CFAP69: variants seen among roughly 807,000 people sequenced by gnomAD.
CFAP69 encodes the protein cilia and flagella associated protein 69.
In CFAP69, 92 loss-of-function variants were observed where a neutral mutation model predicts 123.0. The ratio of observed to expected loss-of-function variants is 0.75; its 90% confidence interval spans 0.63 to 0.89. The LOEUF is 0.89. Among genes scored for constraint, CFAP69 ranks in the 40% least tolerant of loss-of-function variants. CFAP69 has a pLI of 0.00. For synonymous variants in CFAP69, 380 were observed against 364.3 expected, an observed-to-expected ratio of 1.04 and a Z score of -0.49; for missense variants, 1,067 against 1,096.9, an observed-to-expected ratio of 0.97 and a Z score of 0.39.
rs17870071 is a variant in CFAP69 at position 90,304,403 on chromosome 7, T to C, written c.2188+297T>C. The C allele has an allele frequency of 2.4e-5, 29 of 1,207,882 alleles. No individual in the cohort carries two copies. The African/African-American group carries it at 3.3e-4, about 14-fold the overall frequency. The allele number at this position is 1,207,882 out of a possible 1,614,324, so 74.8% of individuals were successfully genotyped here. A position where few individuals can be genotyped will look rare whatever the true frequency, so the allele number is the denominator to read the frequency against. ...TTAAAATACTGACATTCTGAGTCAC[T>C]TGAGTTTTTTTTTTTAAGTCTTTGC... On this transcript the variant is annotated intron_variant, in intron 18 of 22. Coordinates refer to ENST00000389297, the MANE Select transcript of CFAP69 (RefSeq NM_001039706.3).
At chr7:90,304,133 G>A (rs1408943988) in intron 18 of CFAP69, 27 bp downstream of exon 18, 1 of 1,540,038 alleles carries the variant, frequency 6.5e-7, no homozygotes, top group African/African-American at 1.4e-5. Context: ...AAATTTGCAA[G>A]AGTCTGTTTT....
At chr7:90,295,952 CT>C (rs764407412) in intron 15 of CFAP69, among the ~76,000 whole-genome samples, 18 of 152,268 alleles carry the variant, frequency 1.2e-4, no homozygotes, top group Admixed American at 5.2e-4. Context: ...TTGTCAGCAT[CT>C]TGGTTTTGGT....
intron 1 of CFAP69, among the ~76,000 whole-genome samples, chr7:90,250,299 A>G (rs1796858612): frequency 6.6e-6 from 1 of 151,786 alleles, no homozygotes; most frequent in African/African-American, 2.4e-5. Flanking sequence ...GAGTTTCTAC[A>G]TTAGACAGAC....
the CFAP69 span, chr7:90,321,202 C>T: frequency 6.6e-6 from 1 of 152,386 alleles, no homozygotes; most frequent in South Asian, 2.1e-4. Flanking sequence ...GCGGAACCGT[C>T]TCGGCCGCGG....
intron 1 of CFAP69, 91 bp downstream of exon 1, chr7:90,245,635 C>G: frequency 7.1e-7 from 1 of 1,402,216 alleles, no homozygotes; most frequent in African/African-American, 1.5e-5. Context: ...AAGGGTGGAA[C>G]TGGGGACAGG....
At position 90,299,899 on chromosome 7, in the gene CFAP69, T is replaced by G; in HGVS notation, c.1890T>G (p.Leu630=). 1 of 1,608,672 alleles carries G rather than the reference T, an allele frequency of 6.2e-7. No individual in the cohort carries two copies. The highest frequency in any genetic ancestry group is 8.5e-7 in the Non-Finnish European group (1 of 1,177,688). The change falls in exon 17 of 23, where the codon CTT becomes CTG. Residue 630 remains leucine (L), a synonymous_variant. Coordinates refer to ENST00000389297, the MANE Select transcript of CFAP69 (RefSeq NM_001039706.3). ...LNQKKFCNLI[L]GIMVEFCDNP... is the part of the protein sequence containing the mutation. The stretch of plus-strand genomic sequence containing the variant: ...AAAAAAAATTCTGTAATCTAATACT[T>G]GGAATAATGGTTGAATTTTGTGATA...
chr7:90,312,052 CTA>C (rs1794386257), downstream of CFAP69, among the ~76,000 whole-genome samples: 1 of 152,200 alleles, frequency 6.6e-6, no homozygotes, highest in Non-Finnish European at 1.5e-5. Context: ...ATTTTGTAGA[CTA>C]TAAGCTCTCT....
At chr7:90,279,108 A>G (rs1010595231) in intron 11 of CFAP69, among the ~76,000 whole-genome samples, 4 of 152,178 alleles carry the variant, frequency 2.6e-5, no homozygotes, top group South Asian at 2.1e-4. Context: ...TTAAAATACT[A>G]GGCATGTAAT....
chr7:90,283,749 A>G (rs991207693), intron 13 of CFAP69, among the ~76,000 whole-genome samples: 1 of 152,124 alleles, frequency 6.6e-6, no homozygotes, highest in Non-Finnish European at 1.5e-5. Context: ...AGTCGTTCGT[A>G]TTCAGTGATT....
chr7:90,259,697 G>T (rs889350406), intron 3 of CFAP69, among the ~76,000 whole-genome samples: 1 of 151,958 alleles, frequency 6.6e-6, no homozygotes, highest in Non-Finnish European at 1.5e-5. Flanking sequence ...TGTTGTCCAG[G>T]TTGGTCTCAA....
At chr7:90,279,640 A>G (rs1230627062) in intron 11 of CFAP69, 37 bp from the exon 12 acceptor site, 5 of 1,321,332 alleles carry the variant, frequency 3.8e-6, no homozygotes, top group South Asian at 2.9e-5. Context: ...ATTTTTGGCT[A>G]TGTTTCTAAC....
chr7:90,264,579 T>C (rs539655486), intron 4 of CFAP69, among the ~76,000 whole-genome samples: 1 of 152,204 alleles, frequency 6.6e-6, no homozygotes, highest in East Asian at 1.9e-4. Context: ...AGATCTATGG[T>C]TTGTTCCAGA....
chr7:90,279,064 TCA>T (rs1001471753), intron 11 of CFAP69, among the ~76,000 whole-genome samples: 2 of 152,172 alleles, frequency 1.3e-5, no homozygotes, highest in African/African-American at 4.8e-5. Flanking sequence ...CATTTTAATC[TCA>T]TTTTTATTAA....
chr7:90,307,865 T>G lies in CFAP69; in HGVS notation c.2550+11T>G. ...GCTAAAACGTTAAAGGTAGGATTTTTAATGTATTATAGTATCCACAACAAA... is the reference window on the plus strand; with the variant it reads ...GCTAAAACGTTAAAGGTAGGATTTTGAATGTATTATAGTATCCACAACAAA... On this transcript the variant is annotated intron_variant, in intron 21 of 22. Coordinates refer to ENST00000389297, the MANE Select transcript of CFAP69 (RefSeq NM_001039706.3). 6.4e-7 allele frequency: 1 copy of G among 1,555,164 alleles called. No individual in the cohort carries two copies. The highest frequency in any genetic ancestry group is 1.1e-5 in the South Asian group (1 of 87,774).
chr7:90,307,232 A>C (rs1793742038), intron 20 of CFAP69, 134 bp downstream of exon 20: 1 of 685,244 alleles, frequency 1.5e-6, no homozygotes, highest in Non-Finnish European at 2.5e-6. Context: ...TTTATTGTAC[A>C]TTTCAAAATA....
chr7:90,262,149 C>A, intron 4 of CFAP69, 93 bp downstream of exon 4: 1 of 735,584 alleles, frequency 1.4e-6, no homozygotes, highest in Non-Finnish European at 2.2e-6. Context: ...TATAGTGTAG[C>A]AGATTGCTAC....
intron 14 of CFAP69, 183 bp downstream of exon 14, chr7:90,286,582 T>C: frequency 4.0e-6 from 2 of 494,802 alleles, no homozygotes; most frequent in Middle Eastern, 5.4e-4. Flanking sequence ...ATTTAACTCA[T>C]ACCCCCAATT....
At chr7:90,304,853 ATCT>A in intron 19 of CFAP69, 33 bp downstream of exon 19, 1 of 1,273,966 alleles carries the variant, frequency 7.8e-7, no homozygotes, top group Non-Finnish European at 1.1e-6. Flanking sequence ...GATTATTAAA[ATCT>A]AGATAGCAAA....
Position 90,309,364 on chromosome 7 carries a change from A to G in CFAP69, c.2652A>G (p.Thr884=). ...FHQTHIKGLN[T]TVPSGGVVTV... ...AAACACATATTAAAGGCCTTAACAC[A>G]ACGGTAAGATTCTTTCTCCATAACA... is the stretch of plus-strand genomic sequence containing the variant. Residue 884 remains threonine (T), a synonymous_variant, in exon 22 of 23, where the codon ACA becomes ACG. Transcript: ENST00000389297. 1 of 1,516,456 alleles carries G rather than the reference A, an allele frequency of 6.6e-7. No individual in the cohort carries two copies. Among genetic ancestry groups the G allele is most frequent in the South Asian group, 1.2e-5 (1 of 80,854 alleles). 93.9% of individuals were successfully genotyped at this position (1,516,456 alleles called of 1,614,324 possible).
Sources: gnomAD v4.1 joint callset for allele counts (sites outside exome capture counted in the v4.1 genomes callset) on GRCh38, gnomAD v4.1.1 for gene constraint, MANE v1.5 for transcripts, NCBI Gene and HGNC (gene_info 2026-07-23, HGNC 2026-07-21) for gene names.